The following CNTNAP5 variants were observed in gnomAD, a reference collection of about 807,000 sequenced individuals.
CNTNAP5 encodes the protein contactin associated protein family member 5.
CNTNAP5 carries 72 observed loss-of-function variants against 150.2 expected under a neutral mutation model. That is an observed-to-expected ratio of 0.48 (90% CI 0.40 to 0.58). CNTNAP5 has a LOEUF of 0.58. Among genes scored for constraint, CNTNAP5 ranks in the 20% least tolerant of loss-of-function variants. The pLI, the probability that CNTNAP5 is intolerant of heterozygous loss-of-function variation, is 0.00. For synonymous variants in CNTNAP5, 672 were observed against 619.8 expected, an observed-to-expected ratio of 1.08 and a Z score of -1.25; for missense variants, 1,636 against 1,626.2, an observed-to-expected ratio of 1.01 and a Z score of -0.10.
Position 124,609,805 on chromosome 2 carries a change from C to G in CNTNAP5, c.1761C>G (p.Ile587Met), listed in dbSNP as rs1231318164. 4 of 1,613,616 alleles carry G rather than the reference C, an allele frequency of 2.5e-6. No homozygotes were observed. Among genetic ancestry groups the G allele is most frequent in the Non-Finnish European group, 2.5e-6 (3 of 1,179,698 alleles). Residue 587 changes from isoleucine to methionine, a missense_variant, in exon 12 of 24, where the codon ATC becomes ATG. Transcript: ENST00000682447. ...CTGCTGCCTTTGTCTTTCCAGCCAT[C>G]TACGAGCAATCCTGCGAGGTGTACA... ...SYTGATCHNS[I>M]YEQSCEVYRH...
chr2:124,487,031 A>C (rs189043757), intron 7 of CNTNAP5, among the ~76,000 whole-genome samples: 1 of 152,182 alleles, frequency 6.6e-6, no homozygotes, highest in Non-Finnish European at 1.5e-5. Flanking sequence ...TTTCCCTGCC[A>C]CTTCTTTCTA....
At chr2:124,667,185 C>T (rs866178065) in intron 13 of CNTNAP5, among the ~76,000 whole-genome samples, 2 of 152,202 alleles carry the variant, frequency 1.3e-5, no homozygotes, top group African/African-American at 4.8e-5. Flanking sequence ...AATTTGAATG[C>T]ACCTCAGTAG....
chr2:124,696,696 T>C (rs2105085082), intron 13 of CNTNAP5, among the ~76,000 whole-genome samples: 1 of 152,296 alleles, frequency 6.6e-6, no homozygotes, highest in African/African-American at 2.4e-5. Context: ...ACTGTGTGAC[T>C]TTTGAAGCAT....
At chr2:124,148,932 A>G (rs1316529393) in intron 1 of CNTNAP5, among the ~76,000 whole-genome samples, 1 of 152,042 alleles carries the variant, frequency 6.6e-6, no homozygotes, top group East Asian at 1.9e-4. Flanking sequence ...ATATGTATGT[A>G]TATATACACA....
Position 124,531,403 on chromosome 2 carries a change from G to A in CNTNAP5, c.1649+3947G>A, listed in dbSNP as rs571231218. ...GCACTGGTTCTGGTTTGTGGCCCAG[G>A]GTTTGAGGACCCCTGGTCTAAGCTA... On this transcript the variant is annotated intron_variant, in intron 10 of 23. Transcript: ENST00000682447. 2.0e-5 allele frequency among the ~76,000 whole-genome samples: 3 copies of A among 152,198 alleles called. No homozygotes were observed. The East Asian group carries it at 5.8e-4, about 29-fold the overall frequency.
chr2:124,563,344 C>T (rs1439120286), intron 11 of CNTNAP5, 21 bp downstream of exon 11: 9 of 1,454,728 alleles, frequency 6.2e-6, no homozygotes, highest in South Asian at 1.2e-5. Context: ...TGATCATTTG[C>T]CCCTGGTGGC....
intron 3 of CNTNAP5, among the ~76,000 whole-genome samples, chr2:124,371,480 T>C (rs1031237926): frequency 2.6e-5 from 4 of 152,116 alleles, no homozygotes; most frequent in African/African-American, 9.7e-5. Context: ...CATAATCCAT[T>C]AGGTTTGGAA....
chr2:124,328,885 A>T (rs932010518), intron 3 of CNTNAP5, among the ~76,000 whole-genome samples: 1 of 152,162 alleles, frequency 6.6e-6, no homozygotes. Context: ...AAATAAACTG[A>T]CAATAGACAG....
chr2:124,447,078 A>ACCTGG, intron 6 of CNTNAP5, 141 bp downstream of exon 6: 1 of 761,282 alleles, frequency 1.3e-6, no homozygotes, highest in Non-Finnish European at 2.1e-6. Context: ...CATCTATGCC[A>ACCTGG]GATAGTCAAC....
chr2:124,414,003 C>G (rs1691850104), intron 3 of CNTNAP5, among the ~76,000 whole-genome samples: 1 of 151,578 alleles, frequency 6.6e-6, no homozygotes, highest in Non-Finnish European at 1.5e-5. Flanking sequence ...AGATTTGAGG[C>G]TATTTCTTTA....
chr2:124,067,653 G>C (rs369085101), intron 1 of CNTNAP5, among the ~76,000 whole-genome samples: 1 of 152,122 alleles, frequency 6.6e-6, no homozygotes, highest in African/African-American at 2.4e-5. Flanking sequence ...TGGGGGACAT[G>C]GCATTTTCTG....
intron 7 of CNTNAP5, among the ~76,000 whole-genome samples, chr2:124,480,739 C>T (rs1435669141): frequency 1.3e-5 from 2 of 152,168 alleles, no homozygotes; most frequent in Admixed American, 6.6e-5. Context: ...AAGCAACTAA[C>T]ATATTGTGTC....
intron 10 of CNTNAP5, among the ~76,000 whole-genome samples, chr2:124,536,245 G>T (rs1217703583): frequency 6.6e-6 from 1 of 152,172 alleles, no homozygotes; most frequent in African/African-American, 2.4e-5. Flanking sequence ...TATATTTTAT[G>T]TAACACTTAC....
At chr2:124,733,952 C>A (rs1680329041) in intron 13 of CNTNAP5, among the ~76,000 whole-genome samples, 1 of 152,038 alleles carries the variant, frequency 6.6e-6, no homozygotes, top group Non-Finnish European at 1.5e-5. Context: ...TATTAAACTT[C>A]TCAACCTAAG....
At chr2:124,876,105 T>C (rs1677856122) in intron 21 of CNTNAP5, among the ~76,000 whole-genome samples, 1 of 152,076 alleles carries the variant, frequency 6.6e-6, no homozygotes, top group Non-Finnish European at 1.5e-5. Flanking sequence ...AATCATCAAC[T>C]CCAGGTTTAA....
intron 6 of CNTNAP5, among the ~76,000 whole-genome samples, chr2:124,460,247 G>A (rs1302029503): frequency 2.0e-5 from 3 of 152,150 alleles, no homozygotes; most frequent in African/African-American, 4.8e-5. Context: ...ATCTCAGAGA[G>A]TAGGACAAAA....
At chr2:124,031,140 TACACACACAC>T (rs35707474) in intron 1 of CNTNAP5, among the ~76,000 whole-genome samples, 1 of 150,226 alleles carries the variant, frequency 6.7e-6, no homozygotes, top group Non-Finnish European at 1.5e-5. Flanking sequence ...CCGCTATACA[TACACACACAC>T]ACACACACAT....
chr2:124,493,883 A>G (rs1311504389), intron 7 of CNTNAP5, among the ~76,000 whole-genome samples: 1 of 151,950 alleles, frequency 6.6e-6, no homozygotes, highest in East Asian at 2.0e-4. Flanking sequence ...CTAGAAAAGC[A>G]GCATATACTT....
intron 1 of CNTNAP5, among the ~76,000 whole-genome samples, chr2:124,179,944 G>A (rs867718822): frequency 6.6e-6 from 1 of 152,016 alleles, no homozygotes; most frequent in South Asian, 2.1e-4. Flanking sequence ...ACCAGGGAGA[G>A]CTTCATTAAA....
Sources: gnomAD v4.1 joint callset for allele counts (sites outside exome capture counted in the v4.1 genomes callset) on GRCh38, gnomAD v4.1.1 for gene constraint, MANE v1.5 for transcripts, NCBI Gene and HGNC (gene_info 2026-07-23, HGNC 2026-07-21) for gene names.